CEP112: variants seen among roughly 807,000 people sequenced by gnomAD.
CEP112 encodes centrosomal protein of 112 kDa.
CEP112 carries 127 observed loss-of-function variants against 153.0 expected under a neutral mutation model. The ratio of observed to expected loss-of-function variants is 0.83; its 90% CI spans 0.72 to 0.96. CEP112 has a LOEUF of 0.96. CEP112 is among the 40% of genes least tolerant of loss of function. The pLI is 0.00. For missense variants in CEP112, 1,089 were observed against 1,101.2 expected (o/e 0.99, Z 0.16); for synonymous variants, 358 against 374.4 (o/e 0.96, Z 0.51).
intron 24 of CEP112, chr17:65,644,414 T>C: frequency 1.9e-6 from 1 of 523,308 alleles, no homozygotes; most frequent in Non-Finnish European, 3.6e-6. Flanking sequence ...AACTCGGACC[T>C]CAAGGCTTAG....
At position 66,145,152 on chromosome 17, in the gene CEP112, T is replaced by C. The variant is rs375096199; in HGVS notation, c.471-12389A>G. On this transcript the variant is annotated intron_variant, in intron 4 of 26. Transcript: ENST00000535342. ...GCATTTCCCTGCTAAAGAATGCTGT[T>C]GGCCATCTTTTCATGTATGTATACT... 1.5e-3 allele frequency among the ~76,000 whole-genome samples: 222 copies of C among 152,346 alleles called. 8 individuals are homozygous for C. In the South Asian group the frequency reaches 0.043, roughly 30 times the overall value.
At chr17:65,749,162 T>C (rs892461679) in intron 22 of CEP112, among the ~76,000 whole-genome samples, 2 of 152,190 alleles carry the variant, frequency 1.3e-5, no homozygotes, top group Non-Finnish European at 2.9e-5. Flanking sequence ...TATACGACTC[T>C]TCATTTGGAC....
intron 21 of CEP112, among the ~76,000 whole-genome samples, chr17:65,850,170 A>AG (rs1427920723): frequency 6.6e-6 from 1 of 151,650 alleles, no homozygotes; most frequent in East Asian, 1.9e-4. Flanking sequence ...AAAAAAAAAA[A>AG]AAAAAAAGAA....
intron 21 of CEP112, among the ~76,000 whole-genome samples, chr17:65,831,866 T>C (rs1223166055): frequency 1.3e-5 from 2 of 152,058 alleles, no homozygotes; most frequent in East Asian, 3.9e-4. Flanking sequence ...ACAAGATTTA[T>C]AGGGAAAACA....
At chr17:65,927,042 C>T (rs955409659) in intron 19 of CEP112, among the ~76,000 whole-genome samples, 1 of 152,132 alleles carries the variant, frequency 6.6e-6, no homozygotes, top group Non-Finnish European at 1.5e-5. Flanking sequence ...ATCATGGGGG[C>T]GGATCCGTCA....
intron 23 of CEP112, among the ~76,000 whole-genome samples, chr17:65,726,872 C>G (rs1234064374): frequency 6.6e-6 from 1 of 152,156 alleles, no homozygotes; most frequent in African/African-American, 2.4e-5. Context: ...AAGAGATCTA[C>G]TTCATTCTTT....
At chr17:66,085,231 A>G (rs1268756135) in intron 8 of CEP112, among the ~76,000 whole-genome samples, 1 of 152,212 alleles carries the variant, frequency 6.6e-6, no homozygotes, top group Non-Finnish European at 1.5e-5. Flanking sequence ...ACACAATACA[A>G]ATCAAAGGTT....
chr17:66,079,620 T>C (rs1170422143), intron 8 of CEP112, among the ~76,000 whole-genome samples: 1 of 152,200 alleles, frequency 6.6e-6, no homozygotes, highest in Non-Finnish European at 1.5e-5. Flanking sequence ...CCCATCAAGC[T>C]ACCATTGACT....
At chr17:65,683,382 C>A (rs2047622873) in intron 24 of CEP112, among the ~76,000 whole-genome samples, 4 of 152,164 alleles carry the variant, frequency 2.6e-5, no homozygotes. Flanking sequence ...CTTGCAAAAC[C>A]AGATGAGACT....
intron 21 of CEP112, among the ~76,000 whole-genome samples, chr17:65,819,758 C>G (rs1439927086): frequency 6.6e-6 from 1 of 151,850 alleles, no homozygotes; most frequent in Non-Finnish European, 1.5e-5. Context: ...ACAAAATAAC[C>G]AGCAGCTAGC....
chr17:66,100,653 T>C (rs887856461), intron 6 of CEP112, among the ~76,000 whole-genome samples: 3 of 151,996 alleles, frequency 2.0e-5, no homozygotes, highest in Non-Finnish European at 4.4e-5. Flanking sequence ...GAAAATATTC[T>C]TAAATAAAAT....
intron 4 of CEP112, among the ~76,000 whole-genome samples, chr17:66,157,123 A>G (rs1395728951): frequency 6.6e-6 from 1 of 152,248 alleles, no homozygotes; most frequent in East Asian, 1.9e-4. Context: ...AAGGGCAGCC[A>G]GAGAGAAAGG....
At chr17:65,940,865 AAG>A (rs1315402021) in intron 18 of CEP112, among the ~76,000 whole-genome samples, 1 of 152,172 alleles carries the variant, frequency 6.6e-6, no homozygotes, top group Non-Finnish European at 1.5e-5. Context: ...CAAAATTGGT[AAG>A]AGAGTATATT....
At chr17:65,998,389 A>T (rs2063875073) in intron 17 of CEP112, among the ~76,000 whole-genome samples, 2 of 150,536 alleles carry the variant, frequency 1.3e-5, no homozygotes, top group Admixed American at 1.3e-4. Flanking sequence ...TCTCAAAAAA[A>T]AAAAAAAAAA....
intron 6 of CEP112, among the ~76,000 whole-genome samples, chr17:66,101,350 A>G (rs138829491): frequency 2.6e-5 from 4 of 152,222 alleles, no homozygotes; most frequent in Non-Finnish European, 5.9e-5. Flanking sequence ...CATTTGAAAC[A>G]TGCAAGAATT....
chr17:65,860,280 T>C (rs900866227), intron 20 of CEP112, among the ~76,000 whole-genome samples: 1 of 152,140 alleles, frequency 6.6e-6, no homozygotes, highest in Non-Finnish European at 1.5e-5. Context: ...ATAAGGCTTT[T>C]TGAAAGACAT....
At chr17:65,714,112 G>T (rs1008744448) in intron 23 of CEP112, among the ~76,000 whole-genome samples, 3 of 152,046 alleles carry the variant, frequency 2.0e-5, no homozygotes, top group African/African-American at 7.3e-5. Flanking sequence ...CTTCAAAAAG[G>T]TTTGATGATT....
intron 12 of CEP112, among the ~76,000 whole-genome samples, chr17:66,040,641 C>T (rs1355143291): frequency 6.6e-6 from 1 of 151,868 alleles, no homozygotes; most frequent in Non-Finnish European, 1.5e-5. Context: ...CAGCATGTGC[C>T]AACCACGCTT....
At chr17:65,826,489 T>C (rs2056846002) in intron 21 of CEP112, 2 of 1,439,090 alleles carry the variant, frequency 1.4e-6, no homozygotes, top group African/African-American at 2.9e-5. Context: ...GGGGGTGAGG[T>C]GAGATAGTGA....
Sources: gnomAD v4.1 joint callset for allele counts (sites outside exome capture counted in the v4.1 genomes callset) on GRCh38, gnomAD v4.1.1 for gene constraint, MANE v1.5 for transcripts, NCBI Gene and HGNC (gene_info 2026-07-23, HGNC 2026-07-21) for gene names.